The following DPH6 variants were observed in gnomAD, a reference collection of about 807,000 sequenced individuals.
The protein encoded by DPH6 is diphthine--ammonia ligase.
A neutral mutation model predicts 38.2 loss-of-function variants in DPH6; 33 were observed. The observed-to-expected ratio is 0.86, with a 90% CI of 0.65 to 1.15. The LOEUF is 1.15. DPH6 is among the 50% of genes most tolerant of loss of function. The pLI, the probability that DPH6 is intolerant of heterozygous loss-of-function variation, is 0.00. For missense variants in DPH6, 325 were observed against 320.0 expected (o/e 1.02, Z -0.12); for synonymous variants, 108 against 103.0 (o/e 1.05, Z -0.30).
chr15:35,433,901 T>C (rs1488027027), intron 5 of DPH6, among the ~76,000 whole-genome samples: 1 of 152,162 alleles, frequency 6.6e-6, no homozygotes, highest in Non-Finnish European at 1.5e-5. Context: ...AAGAACTTGA[T>C]TTGGGCCCTT....
In DPH6 at chr15:35,400,750, T is replaced by C. The variant is rs115964908; in HGVS notation, c.567+10085A>G. ...AGCTGAGGAAGCTCTTATTGGAGGG[T>C]TGAGCTTGGAAACAACCGATGAGAG... On this transcript the variant is annotated intron_variant, in intron 6 of 8. Transcript: ENST00000256538. 589 of 742,254 alleles carry C rather than the reference T, an allele frequency of 7.9e-4. 2 individuals are homozygous for C. The African/African-American group carries it at 8.7e-3, about 11-fold the overall frequency. The allele number at this position is 742,254 out of a possible 1,614,324, so 46.0% of individuals were successfully genotyped here. A position where few individuals can be genotyped will look rare whatever the true frequency, so the allele number is the denominator to read the frequency against.
chr15:35,416,759 AC>A (rs952105042), intron 5 of DPH6, among the ~76,000 whole-genome samples: 7 of 152,082 alleles, frequency 4.6e-5, no homozygotes, highest in African/African-American at 1.7e-4. Context: ...GTCATTGGGG[AC>A]CTCATGATCA....
chr15:35,262,162 A>G (rs1386956416), intron 3 of DPH6, among the ~76,000 whole-genome samples: 1 of 152,190 alleles, frequency 6.6e-6, no homozygotes, highest in African/African-American at 2.4e-5. Flanking sequence ...ATATAGTTAT[A>G]CTTTTTTTCC....
At chr15:35,156,627 G>A in the DPH6 span, among the ~76,000 whole-genome samples, 1 of 152,088 alleles carries the variant, frequency 6.6e-6, no homozygotes, top group African/African-American at 2.4e-5. Context: ...ATTCATTCTG[G>A]CTGTCTGAGA....
chr15:35,165,387 A>G, the DPH6 span, among the ~76,000 whole-genome samples: 2,120 of 152,044 alleles, frequency 0.014, 63 homozygotes, highest in Admixed American at 0.057. Context: ...TTCATTTTAA[A>G]GAAATTTTTT....
rs577496407 is a variant in DPH6 at position 35,361,118 on chromosome 15, C to T, written n.207+12403G>A. On this transcript the variant is annotated intron_variant and non_coding_transcript_variant, in intron 3 of 3. Coordinates refer to the DPH6 transcript ENST00000558973. Reference sequence around the variant, plus strand: ...CCAAGCGTGTCCGGAACTGAGACTACGGGAGAATAGGGCTGTTACTGACAT... The same window carrying T: ...CCAAGCGTGTCCGGAACTGAGACTATGGGAGAATAGGGCTGTTACTGACAT... Among the ~76,000 whole-genome samples the T allele has an allele frequency of 2.5e-4, 38 of 152,180 alleles. No individual in the cohort carries two copies. The South Asian group carries it at 4.4e-3, about 17-fold the overall frequency.
chr15:35,479,426 T>G (rs1018770125), intron 3 of DPH6, among the ~76,000 whole-genome samples: 3 of 152,088 alleles, frequency 2.0e-5, no homozygotes, highest in Non-Finnish European at 4.4e-5. Flanking sequence ...TGCAGAGAAG[T>G]GGTTTTGCTT....
At chr15:35,365,658 T>A (rs2052651974) in intron 3 of DPH6, among the ~76,000 whole-genome samples, 1 of 152,102 alleles carries the variant, frequency 6.6e-6, no homozygotes, top group Non-Finnish European at 1.5e-5. Flanking sequence ...TACATAGATT[T>A]AGGCTTCAAA....
At chr15:35,337,737 C>T (rs1324605660) in intron 3 of DPH6, among the ~76,000 whole-genome samples, 1 of 152,028 alleles carries the variant, frequency 6.6e-6, no homozygotes, top group Non-Finnish European at 1.5e-5. Context: ...AATCCGAAGC[C>T]AAAAGAACAA....
the DPH6 span, among the ~76,000 whole-genome samples, chr15:35,179,509 T>C: frequency 6.6e-6 from 1 of 152,238 alleles, no homozygotes; most frequent in East Asian, 1.9e-4. Flanking sequence ...TTAAAGAACA[T>C]TTACTTGTAA....
rs540854690 is a variant in DPH6, at chr15:35,239,048, C to T, written n.201-18466G>A. On this transcript the variant is annotated intron_variant and non_coding_transcript_variant, in intron 3 of 3. Transcript: ENST00000560386. The stretch of plus-strand genomic sequence containing the variant: ...AAGCCTGTTTGGTGGTCTCTTCACA[C>T]GGACGTGCATGAAATTTGGTGCTGT... 3.3e-4 allele frequency among the ~76,000 whole-genome samples: 47 copies of T among 144,588 alleles called. 8 individuals are homozygous for T. The highest frequency in any genetic ancestry group is 3.6e-3 in the Middle Eastern group (1 of 280). The allele number at this position is 144,588 out of a possible 152,430, so 94.9% of individuals were successfully genotyped here. A position where few individuals can be genotyped will look rare whatever the true frequency, so the allele number is the denominator to read the frequency against.
chr15:35,162,431 G>A, the DPH6 span, among the ~76,000 whole-genome samples: 3 of 151,758 alleles, frequency 2.0e-5, no homozygotes, highest in African/African-American at 7.3e-5. Flanking sequence ...TGCATTTGCT[G>A]CTTCTAAGCA....
At chr15:35,193,426 T>C in the DPH6 span, among the ~76,000 whole-genome samples, 2 of 152,058 alleles carry the variant, frequency 1.3e-5, no homozygotes, top group South Asian at 2.1e-4. Flanking sequence ...GATTAACTTC[T>C]ATAATTATTA....
In DPH6 at chr15:35,243,289, A is replaced by C. The variant is rs986621864; in HGVS notation, n.201-22707T>G. Among the ~76,000 whole-genome samples the C allele has an allele frequency of 2.0e-4, 29 of 141,814 alleles. 2 individuals are homozygous for C. Among genetic ancestry groups the C allele is most frequent in the African/African-American group, 7.2e-4 (28 of 38,906 alleles). The allele number at this position is 141,814 out of a possible 152,430, so 93.0% of individuals were successfully genotyped here. A position where few individuals can be genotyped will look rare whatever the true frequency, so the allele number is the denominator to read the frequency against. ...CGCCGCCCCTAATACCGCTTGAAGC[A>C]GCCCTGAGAAACATCGCCCATTCTC... On this transcript the variant is annotated intron_variant and non_coding_transcript_variant, in intron 3 of 3. Coordinates refer to the DPH6 transcript ENST00000560386.
intron 6 of DPH6, among the ~76,000 whole-genome samples, chr15:35,393,870 C>T (rs1196576588): frequency 6.6e-6 from 1 of 152,132 alleles, no homozygotes; most frequent in Non-Finnish European, 1.5e-5. Flanking sequence ...TCTCAGCTTT[C>T]TGCATTTGGA....
At chr15:35,377,980 T>C (rs921313485) in intron 7 of DPH6, among the ~76,000 whole-genome samples, 2 of 152,014 alleles carry the variant, frequency 1.3e-5, no homozygotes, top group African/African-American at 4.8e-5. Context: ...AGTGATCTTC[T>C]TGCCCTGCCC....
intron 3 of DPH6, among the ~76,000 whole-genome samples, chr15:35,464,401 TA>T (rs2054103744): frequency 6.6e-6 from 1 of 152,178 alleles, no homozygotes; most frequent in Non-Finnish European, 1.5e-5. Flanking sequence ...AATACTTTTT[TA>T]AAAAATTATA....
intron 3 of DPH6, among the ~76,000 whole-genome samples, chr15:35,524,581 T>C (rs910093871): frequency 1.3e-5 from 2 of 152,198 alleles, no homozygotes; most frequent in African/African-American, 2.4e-5. Flanking sequence ...TGATTAAAAG[T>C]ACATGTTCTA....
chr15:35,173,402 T>C, the DPH6 span, among the ~76,000 whole-genome samples: 1 of 152,174 alleles, frequency 6.6e-6, no homozygotes, highest in African/African-American at 2.4e-5. Flanking sequence ...CTCTCTGTTG[T>C]TTTACTTTTT....
Sources: gnomAD v4.1 joint callset for allele counts (sites outside exome capture counted in the v4.1 genomes callset) on GRCh38, gnomAD v4.1.1 for gene constraint, MANE v1.5 for transcripts, NCBI Gene and HGNC (gene_info 2026-07-23, HGNC 2026-07-21) for gene names.